The following P3H1 variants were observed in gnomAD, a reference collection of about 807,000 sequenced individuals.
P3H1 encodes prolyl 3-hydroxylase 1, also known as growth suppressor 1.
P3H1 carries 69 observed loss-of-function variants against 84.0 expected under a neutral mutation model. The ratio of observed to expected loss-of-function variants is 0.82; its 90% CI spans 0.68 to 1.00. The LOEUF is 1.00. Among genes scored for constraint, P3H1 ranks in the 50% least tolerant of loss-of-function variants. The pLI, the probability that P3H1 is intolerant of heterozygous loss-of-function variation, is 0.00. For missense variants in P3H1, 878 were observed against 962.8 expected (o/e 0.91, Z 1.17); for synonymous variants, 366 against 388.8 (o/e 0.94, Z 0.69).
At chr1:42,747,434 G>A in intron 13 of P3H1, 22 bp from the exon 14 acceptor site, 1 of 1,604,590 alleles carries the variant, frequency 6.2e-7, no homozygotes, top group Non-Finnish European at 8.5e-7. Context: ...AGAAAGGGAG[G>A]GGGGTTGCAC....
intron 1 of P3H1, among the ~76,000 whole-genome samples, chr1:42,764,101 G>C (rs1255764746): frequency 6.6e-6 from 1 of 151,946 alleles, no homozygotes. Flanking sequence ...TTGCACTCTA[G>C]CTTGGGCAAC....
chr1:42,758,973 G>C lies in P3H1; in HGVS notation c.819C>G (p.Ile273Met). The C allele has an allele frequency of 6.2e-7, 1 of 1,614,194 alleles. No homozygotes were observed. The highest frequency in any genetic ancestry group is 8.5e-7 in the Non-Finnish European group (1 of 1,180,026). ...AGTTCTGCTTACAGTTGAGGACCTGGATGTAATGATCTGAAAGGAATCAAA... is the reference window on the plus strand; with the variant it reads ...AGTTCTGCTTACAGTTGAGGACCTGCATGTAATGATCTGAAAGGAATCAAA... ...DLFQAITDHY[I>M]QVLNCKQNCV... Residue 273 changes from isoleucine (I) to methionine (M), a missense_variant, in exon 4 of 15, where the codon ATC becomes ATG. Transcript: ENST00000296388.
At chr1:42,758,358 G>C (rs145637859) in intron 4 of P3H1, among the ~76,000 whole-genome samples, 20 of 152,260 alleles carry the variant, frequency 1.3e-4, no homozygotes, top group Admixed American at 1.3e-3. Context: ...TGGCAAAATA[G>C]TTCTTGTTGA....
In P3H1 at chr1:42,746,855, G is replaced by A. The variant is rs1444512455; in HGVS notation, c.2056-3C>T. 1.9e-6 allele frequency: 3 copies of A among 1,614,048 alleles called. No individual in the cohort carries two copies. The highest frequency in any genetic ancestry group is 2.5e-6 in the Non-Finnish European group (3 of 1,179,978). On this transcript the variant is annotated splice_region_variant and splice_polypyrimidine_tract_variant and intron_variant, in intron 14 of 14. Coordinates refer to ENST00000296388, the MANE Select transcript of P3H1 (RefSeq NM_022356.4). ...AGGTCATCTGCCTGCACCCTGTCCTGCAAGGACAAACCCCTGCCCATTCAG... is the reference window on the plus strand; with the variant it reads ...AGGTCATCTGCCTGCACCCTGTCCTACAAGGACAAACCCCTGCCCATTCAG...
chr1:42,766,887 C>T lies in P3H1; in HGVS notation c.85G>A (p.Gly29Arg), dbSNP rs746109334. The T allele has an allele frequency of 1.9e-6, 3 of 1,608,684 alleles. No homozygotes were observed. Among genetic ancestry groups the T allele is most frequent in the Non-Finnish European group, 2.5e-6 (3 of 1,179,838 alleles). The part of the protein sequence containing the change: ...ASQAEVESEA[G>R]WGMVTPDLLF... The stretch of plus-strand genomic sequence containing the variant: ...AGATCAGGCGTCACCATGCCCCATC[C>T]TGCCTCGGACTCGACCTCGGCTTGG... Residue 29 changes from glycine (G) to arginine (R), a missense_variant, in exon 1 of 15, where the codon GGA becomes AGA. Transcript: ENST00000296388.
intron 11 of P3H1, chr1:42,748,546 G>T: frequency 1.8e-6 from 1 of 570,928 alleles, no homozygotes; most frequent in South Asian, 1.9e-5. Context: ...GGAATGAAGG[G>T]CTCCAACCAA....
chr1:42,747,225 G>A (rs766380362), intron 14 of P3H1, 47 bp downstream of exon 14: 17 of 1,613,992 alleles, frequency 1.1e-5, no homozygotes, highest in East Asian at 4.5e-5. Context: ...CTCTGGGAAC[G>A]GGTCACCACA....
chr1:42,747,258 C>G lies in P3H1; in HGVS notation c.2055+14G>C, dbSNP rs368488426. On this transcript the variant is annotated intron_variant, in intron 14 of 14. Coordinates refer to ENST00000296388, the MANE Select transcript of P3H1 (RefSeq NM_022356.4). Reference sequence around the variant, plus strand: ...ACAGCACCAGCTGCTCTCACCCGCTCGAGCTGCTCTCACCCGCTCGCTGTG... The same window carrying G: ...ACAGCACCAGCTGCTCTCACCCGCTGGAGCTGCTCTCACCCGCTCGCTGTG... 1.5e-5 allele frequency: 25 copies of G among 1,613,512 alleles called. No homozygotes were observed. Among genetic ancestry groups the G allele is most frequent in the Non-Finnish European group, 2.1e-5 (25 of 1,179,532 alleles).
At chr1:42,765,008 C>T (rs1652916117) in intron 1 of P3H1, among the ~76,000 whole-genome samples, 1 of 152,186 alleles carries the variant, frequency 6.6e-6, no homozygotes, top group Admixed American at 6.5e-5. Flanking sequence ...TAATCAAGTG[C>T]CACCACTTTC....
chr1:42,750,071 G>T, intron 11 of P3H1, 115 bp downstream of exon 11: 2 of 1,259,336 alleles, frequency 1.6e-6, no homozygotes, highest in Non-Finnish European at 1.1e-6. Flanking sequence ...TATTTACATT[G>T]GTTCCCCAAC....
rs1163611741 is a variant in P3H1, at chr1:42,747,122, T to C, written c.2055+150A>G. ...GGAGGACAAGGCAATGTGACCATAA[T>C]GACAGGGCGTTGGAGCTGGTGTCCC... On this transcript the variant is annotated intron_variant, in intron 14 of 14. Transcript: ENST00000296388. 8.1e-6 allele frequency: 13 copies of C among 1,614,192 alleles called. No individual in the cohort carries two copies. In the South Asian group the frequency reaches 1.2e-4, roughly 15 times the overall value.
At chr1:42,765,871 C>G (rs1306455831) in intron 1 of P3H1, among the ~76,000 whole-genome samples, 1 of 152,144 alleles carries the variant, frequency 6.6e-6, no homozygotes, top group African/African-American at 2.4e-5. Context: ...CTATCATCAT[C>G]ATCATCATCG....
rs1375573296 is a variant in P3H1, at chr1:42,755,497, C to T, written c.1170+51G>A. 2.7e-6 allele frequency: 4 copies of T among 1,456,248 alleles called. No individual in the cohort carries two copies. In the South Asian group the frequency reaches 3.4e-5, roughly 12 times the overall value. 90.2% of individuals were successfully genotyped at this position (1,456,248 alleles called of 1,614,324 possible). A position where few individuals can be genotyped will look rare whatever the true frequency, so the allele number is the denominator to read the frequency against. ...GTGTTCCCCTCCTCCCCATTCATCT[C>T]TCCTGCTCACTCTTTCCCCGCTCCC... On this transcript the variant is annotated intron_variant, in intron 6 of 14. Transcript: ENST00000296388.
chr1:42,750,246 G>T lies in P3H1; in HGVS notation c.1660C>A (p.Arg554Ser). Residue 554 changes from arginine (R) to serine (S), a missense_variant, in exon 11 of 15, where the codon CGC becomes AGC. Coordinates refer to ENST00000296388, the MANE Select transcript of P3H1 (RefSeq NM_022356.4). ...GAAAAGTAGAGGGGCGTATCCAGGC[G>T]GAAGTAGGACTCCATGATGCGCCGC... ...KVRRIMESYF[R>S]LDTPLYFSYS... 6.2e-7 allele frequency: 1 copy of T among 1,613,836 alleles called. No homozygotes were observed. Among genetic ancestry groups the T allele is most frequent in the Non-Finnish European group, 8.5e-7 (1 of 1,179,928 alleles).
rs527510725 is a variant in P3H1 at position 42,753,724 on chromosome 1, C to T, written c.1346-1060G>A. On this transcript the variant is annotated intron_variant, in intron 8 of 14. Coordinates refer to ENST00000296388, the MANE Select transcript of P3H1 (RefSeq NM_022356.4). ...GATCACAAGGTCAGGAGTTTGAGAC[C>T]AGCCTGGCCAACATGGTGAAACCCT... Among the ~76,000 whole-genome samples the T allele has an allele frequency of 2.3e-3, 343 of 152,212 alleles. 11 individuals carry two copies. Among genetic ancestry groups the T allele is most frequent in the Admixed American group, 0.022 (339 of 15,298 alleles).
At chr1:42,755,516 C>G in intron 6 of P3H1, 32 bp downstream of exon 6, 1 of 1,555,124 alleles carries the variant, frequency 6.4e-7, no homozygotes, top group South Asian at 1.1e-5. Context: ...ACTCTTTCCC[C>G]GCTCCCTTCC....
Position 42,746,555 on chromosome 1 carries a change from T to G in P3H1, c.*142A>C, listed in dbSNP as rs1651717426. 1.4e-6 allele frequency: 1 copy of G among 692,344 alleles called. No homozygotes were observed. The highest frequency in any genetic ancestry group is 2.3e-5 in the Admixed American group (1 of 44,042). The allele number at this position is 692,344 out of a possible 1,614,324, so 42.9% of individuals were successfully genotyped here. ...CCACTCCAAGAGCAGTAGCACCATG[T>G]AGAAGGCTGTGAGCAGGGTCCCCTC... On this transcript the variant is annotated 3_prime_UTR_variant, in exon 15 of 15. Transcript: ENST00000296388.
intron 3 of P3H1, 76 bp downstream of exon 3, chr1:42,759,125 C>T (rs570072061): frequency 6.4e-7 from 1 of 1,569,546 alleles, no homozygotes; most frequent in South Asian, 1.1e-5. Flanking sequence ...GTGAAGAGTC[C>T]CCATTTATAT....
In P3H1 at chr1:42,748,337, T is replaced by C. The variant is rs1426139867; in HGVS notation, c.1721-20A>G. 8 of 1,576,424 alleles carry C rather than the reference T, an allele frequency of 5.1e-6. No individual in the cohort carries two copies. The highest frequency in any genetic ancestry group is 1.4e-5 in the African/African-American group (1 of 74,038). On this transcript the variant is annotated intron_variant, in intron 11 of 14. Transcript: ENST00000296388. ...GGACCTCTGGGGCCAATGTCACACATGTTAGCAAGGGAGCACCTCGGGAGA... is the reference window on the plus strand; with the variant it reads ...GGACCTCTGGGGCCAATGTCACACACGTTAGCAAGGGAGCACCTCGGGAGA...
Sources: allele counts gnomAD v4.1 joint callset (sites outside exome capture counted in the v4.1 genomes callset), GRCh38; gene constraint gnomAD v4.1.1; transcripts MANE v1.5; gene names NCBI Gene and HGNC (gene_info 2026-07-23, HGNC 2026-07-21).